Variants in CCDC14 observed in about 807,000 individuals in gnomAD.
The protein encoded by CCDC14 is coiled-coil domain-containing protein 14.
A neutral mutation model predicts 81.4 loss-of-function variants in CCDC14; 71 were observed. The ratio of observed to expected loss-of-function variants is 0.87; its 90% CI spans 0.72 to 1.06. The LOEUF (loss-of-function observed/expected upper bound fraction) is 1.06, where lower values mean the gene tolerates loss of function less well. CCDC14 is among the 50% of genes least tolerant of loss of function. CCDC14 has a pLI of 0.00. For missense variants in CCDC14, 1,046 were observed against 1,047.3 expected (o/e 1.00, Z 0.02); for synonymous variants, 332 against 364.8 (o/e 0.91, Z 1.03).
intron 5 of CCDC14, among the ~76,000 whole-genome samples, chr3:123,903,276 A>T (rs1307080726): frequency 2.0e-5 from 3 of 150,242 alleles, no homozygotes; most frequent in African/African-American, 7.4e-5. Flanking sequence ...AATTCTCCAT[A>T]ATAAAAAGTA....
the CCDC14 span, among the ~76,000 whole-genome samples, chr3:123,889,762 T>C: frequency 3.3e-5 from 5 of 152,182 alleles, no homozygotes; most frequent in Non-Finnish European, 7.3e-5. Flanking sequence ...CAGTGGGGAC[T>C]CTGTGTGGGG....
intron 9 of CCDC14, among the ~76,000 whole-genome samples, chr3:123,935,565 C>A (rs1263712440): frequency 6.6e-6 from 1 of 152,098 alleles, no homozygotes; most frequent in Non-Finnish European, 1.5e-5. Context: ...AATACTAATA[C>A]ACAGATAATA....
rs1023679879 is a variant in CCDC14, at chr3:123,934,227, G to A, written c.1344-472C>T. 3.4e-5 allele frequency among the ~76,000 whole-genome samples: 4 copies of A among 117,022 alleles called. No individual in the cohort carries two copies. In the East Asian group the frequency reaches 1.1e-3, roughly 32 times the overall value. 76.8% of individuals were successfully genotyped at this position (117,022 alleles called of 152,430 possible). A position where few individuals can be genotyped will look rare whatever the true frequency, so the allele number is the denominator to read the frequency against. Reference sequence around the variant, plus strand: ...GGTGGAGGTTGCAGTGAGTGAGATCGCACCACTGCATTCCAGCCTGGCGAA... The same window carrying A: ...GGTGGAGGTTGCAGTGAGTGAGATCACACCACTGCATTCCAGCCTGGCGAA... On this transcript the variant is annotated intron_variant, in intron 9 of 12. Transcript: ENST00000409697.
intron 5 of CCDC14, among the ~76,000 whole-genome samples, chr3:123,907,657 A>G (rs769839677): frequency 6.6e-6 from 1 of 151,894 alleles, no homozygotes; most frequent in African/African-American, 2.4e-5. Flanking sequence ...GTGAGCTTTG[A>G]TCATGTCACT....
intron 5 of CCDC14, among the ~76,000 whole-genome samples, chr3:123,907,710 A>C (rs2034347130): frequency 6.6e-6 from 1 of 150,996 alleles, no homozygotes. Flanking sequence ...ATCAATAAAA[A>C]AAATATAATA....
chr3:123,952,476 G>A, intron 5 of CCDC14: 1 of 358,328 alleles, frequency 2.8e-6, no homozygotes, highest in South Asian at 2.3e-5. Context: ...TGTAAAAGTT[G>A]CTTATTTAAA....
At chr3:123,900,967 C>T (rs1355197399) in intron 5 of CCDC14, among the ~76,000 whole-genome samples, 2 of 152,070 alleles carry the variant, frequency 1.3e-5, no homozygotes, top group African/African-American at 4.8e-5. Flanking sequence ...GGCGCAGTGG[C>T]TCACGCCTGT....
intron 5 of CCDC14, among the ~76,000 whole-genome samples, chr3:123,904,362 T>C (rs1359807541): frequency 6.6e-6 from 1 of 152,120 alleles, no homozygotes; most frequent in African/African-American, 2.4e-5. Flanking sequence ...GTTATGAAGA[T>C]AGGTTACAGG....
At chr3:123,934,308 A>T (rs1270127158) in intron 9 of CCDC14, among the ~76,000 whole-genome samples, 1 of 146,264 alleles carries the variant, frequency 6.8e-6, no homozygotes, top group East Asian at 2.0e-4. Flanking sequence ...CTCATGAGGA[A>T]AGTGTTAATT....
downstream of CCDC14, among the ~76,000 whole-genome samples, chr3:123,912,201 T>C (rs566306125): frequency 6.6e-6 from 1 of 152,164 alleles, no homozygotes; most frequent in Non-Finnish European, 1.5e-5. Flanking sequence ...CGAATTTCAG[T>C]GTGTCAGAGG....
chr3:123,949,227 C>A, intron 5 of CCDC14, 95 bp from the exon 6 acceptor site: 1 of 680,158 alleles, frequency 1.5e-6, no homozygotes, highest in Non-Finnish European at 2.5e-6. Context: ...AGAAGTAGTC[C>A]AATCCATCAC....
At chr3:123,958,346 TGG>T (rs1291967645) in intron 1 of CCDC14, 2 of 152,134 alleles carry the variant, frequency 1.3e-5, no homozygotes, top group African/African-American at 4.8e-5. Flanking sequence ...AGATTACATA[TGG>T]TGTTTCTCCA....
chr3:123,946,305 T>C (rs7621250), intron 8 of CCDC14, among the ~76,000 whole-genome samples: 17,706 of 151,890 alleles, frequency 0.12, 1,128 homozygotes, highest in Middle Eastern at 0.23. Flanking sequence ...AACACCTTGA[T>C]TTAAGAAAAA....
At chr3:123,885,560 G>GT in the CCDC14 span, among the ~76,000 whole-genome samples, 1 of 151,458 alleles carries the variant, frequency 6.6e-6, no homozygotes, top group Non-Finnish European at 1.5e-5. Flanking sequence ...GATCTGTGAG[G>GT]TTTTCCAGAG....
chr3:123,955,570 C>A, intron 5 of CCDC14: 2 of 213,628 alleles, frequency 9.4e-6, no homozygotes, highest in Non-Finnish European at 1.8e-5. Context: ...AAACTAAGAT[C>A]ACTCTATATA....
At chr3:123,941,152 T>C (rs2036329086) in intron 9 of CCDC14, among the ~76,000 whole-genome samples, 1 of 151,932 alleles carries the variant, frequency 6.6e-6, no homozygotes, top group South Asian at 2.1e-4. Flanking sequence ...CCCACCAAAC[T>C]CCCATCCAGG....
At chr3:123,932,754 G>C (rs574712579) in intron 10 of CCDC14, among the ~76,000 whole-genome samples, 1 of 152,176 alleles carries the variant, frequency 6.6e-6, no homozygotes, top group East Asian at 1.9e-4. Flanking sequence ...TGTCACAATT[G>C]CAACTGTATA....
chr3:123,914,165 A>C lies in CCDC14; in HGVS notation c.*614T>G, dbSNP rs762248637. Reference sequence around the variant, plus strand: ...CTTAAAACATGAATTTGGGATAAAAACAAATAAAAGTGCCCAAGTTTTAAG... The same window carrying C: ...CTTAAAACATGAATTTGGGATAAAACCAAATAAAAGTGCCCAAGTTTTAAG... On this transcript the variant is annotated 3_prime_UTR_variant, in exon 13 of 13. Transcript: ENST00000409697. The C allele has an allele frequency of 1.0e-6, 1 of 985,186 alleles. No individual in the cohort carries two copies. The highest frequency in any genetic ancestry group is 1.1e-4 in the East Asian group (1 of 8,824). The allele number at this position is 985,186 out of a possible 1,614,324, so 61.0% of individuals were successfully genotyped here. A position where few individuals can be genotyped will look rare whatever the true frequency, so the allele number is the denominator to read the frequency against.
chr3:123,927,133 T>C (rs930178317), intron 12 of CCDC14, among the ~76,000 whole-genome samples: 1 of 151,804 alleles, frequency 6.6e-6, no homozygotes, highest in Non-Finnish European at 1.5e-5. Flanking sequence ...AACAAAACAA[T>C]GGCTGGGTGT....
Sources: gnomAD v4.1 joint callset for allele counts (sites outside exome capture counted in the v4.1 genomes callset) on GRCh38, gnomAD v4.1.1 for gene constraint, MANE v1.5 for transcripts, NCBI Gene and HGNC (gene_info 2026-07-23, HGNC 2026-07-21) for gene names.